Variants in ABCC8 observed in about 807,000 individuals in gnomAD.
ABCC8 encodes the protein ATP binding cassette subfamily C member 8.
Under a neutral mutation model 188.0 loss-of-function variants are expected in ABCC8, and 137 were observed. The observed-to-expected ratio is 0.73, with a 90% CI of 0.63 to 0.84. The LOEUF (loss-of-function observed/expected upper bound fraction) is 0.84, where lower values mean the gene tolerates loss of function less well. Ranked by LOEUF, ABCC8 falls within the 40% of genes least tolerant of loss-of-function variation. ABCC8 has a pLI of 0.00. For synonymous variants in ABCC8, 797 were observed against 846.5 expected, an observed-to-expected ratio of 0.94 and a Z score of 1.01; for missense variants, 1,750 against 2,072.7, an observed-to-expected ratio of 0.84 and a Z score of 3.02.
At chr11:17,450,093 C>T (rs1298995336) in intron 7 of ABCC8, among the ~76,000 whole-genome samples, 1 of 152,168 alleles carries the variant, frequency 6.6e-6, no homozygotes, top group African/African-American at 2.4e-5. Flanking sequence ...ATGTATAATT[C>T]AGGAATTGTG....
At chr11:17,465,981 A>G (rs939348099) in intron 3 of ABCC8, among the ~76,000 whole-genome samples, 12 of 152,258 alleles carry the variant, frequency 7.9e-5, no homozygotes, top group Non-Finnish European at 4.4e-5. Flanking sequence ...ACAGACGAAT[A>G]GATAAACAAA....
In ABCC8 at chr11:17,406,784, C is replaced by T. The variant is rs1236939235; in HGVS notation, c.3167G>A (p.Cys1056Tyr). 2 of 1,614,230 alleles carry T rather than the reference C, an allele frequency of 1.2e-6. No individual in the cohort carries two copies. Among genetic ancestry groups the T allele is most frequent in the Admixed American group, 1.7e-5 (1 of 60,024 alleles). Residue 1056 changes from cysteine (C) to tyrosine (Y), a missense_variant, in exon 26 of 39, where the codon TGC (cysteine) becomes TAC (tyrosine). Cys to Tyr is a radical substitution (Grantham distance 194, BLOSUM62 -2). Transcript: ENST00000389817. ...GGCATAGACAGTCTGGTCGAGGGTG[C>T]ACTCCTTCACAGGCAGAGAGTGATT... ...AARNCSLSQECTLDQTVYAMV... is the reference protein window; with the variant it reads ...AARNCSLSQEYTLDQTVYAMV...
Position 17,393,143 on chromosome 11 carries a change from AG to A in ABCC8, c.4609-16del, listed in dbSNP as rs750089728. On this transcript the variant is annotated splice_polypyrimidine_tract_variant and intron_variant, in intron 38 of 38. Coordinates refer to ENST00000389817, the MANE Select transcript of ABCC8 (RefSeq NM_000352.6). ...TGCACTCGATGCTGGGCAGGGCAGG[AG>A]GGGGCGGGTCAGGATGGTGGGAATA... The A allele has an allele frequency of 1.4e-5, 18 of 1,305,674 alleles. No homozygotes were observed. In the African/African-American group the frequency reaches 2.2e-4, roughly 16 times the overall value. The allele number at this position is 1,305,674 out of a possible 1,614,324, so 80.9% of individuals were successfully genotyped here.
At chr11:17,462,374 G>T (rs1207793731) in intron 4 of ABCC8, among the ~76,000 whole-genome samples, 1 of 152,184 alleles carries the variant, frequency 6.6e-6, no homozygotes, top group Non-Finnish European at 1.5e-5. Context: ...AAGAGTCAGA[G>T]AAATGCAGGC....
chr11:17,475,119 C>A, intron 1 of ABCC8, 92 bp from the exon 2 acceptor site: 1 of 1,562,332 alleles, frequency 6.4e-7, no homozygotes, highest in South Asian at 1.2e-5. Flanking sequence ...GGCATTGGGT[C>A]CATGGTGAGG....
At position 17,442,956 on chromosome 11, in the gene ABCC8, A is replaced by G. The variant is rs559879404; in HGVS notation, c.1468-74T>C. ...ACCCGAGAGGAAGGCCTGAGTGTCA[A>G]TACTGTCACTGCCATGCCCGCCTCC... On this transcript the variant is annotated intron_variant, in intron 9 of 38. Coordinates refer to ENST00000389817, the MANE Select transcript of ABCC8 (RefSeq NM_000352.6). The G allele has an allele frequency of 5.6e-6, 9 of 1,601,552 alleles. No homozygotes were observed. The Admixed American group carries it at 1.3e-4, about 24-fold the overall frequency.
At position 17,463,617 on chromosome 11, in the gene ABCC8, G is replaced by T. The variant is rs1474084577; in HGVS notation, c.413-13C>A. 1.9e-6 allele frequency: 3 copies of T among 1,566,194 alleles called. No individual in the cohort carries two copies. The African/African-American group carries it at 4.1e-5, about 21-fold the overall frequency. On this transcript the variant is annotated splice_polypyrimidine_tract_variant and intron_variant, in intron 3 of 38. Transcript: ENST00000389817. ...TACACCAGCAGGGCTGCCGAGGAGAGATGGAAGATCGCAGAGACGTGTGTG... is the reference window on the plus strand; with the variant it reads ...TACACCAGCAGGGCTGCCGAGGAGATATGGAAGATCGCAGAGACGTGTGTG...
At chr11:17,418,986 C>T (rs1955211174) in intron 16 of ABCC8, among the ~76,000 whole-genome samples, 1 of 152,122 alleles carries the variant, frequency 6.6e-6, no homozygotes, top group Non-Finnish European at 1.5e-5. Flanking sequence ...TCCTTACAAC[C>T]CTATAAACCC....
intron 38 of ABCC8, 35 bp downstream of exon 38, chr11:17,393,662 G>A: frequency 1.2e-6 from 2 of 1,613,924 alleles, no homozygotes; most frequent in South Asian, 2.2e-5. Context: ...CCTGTCCCTG[G>A]GTGTCCCTCT....
chr11:17,466,398 C>CA (rs747797902), intron 3 of ABCC8, among the ~76,000 whole-genome samples: 8,751 of 49,286 alleles, frequency 0.18, 901 homozygotes, highest in African/African-American at 0.28. Flanking sequence ...GACTCCATCT[C>CA]AAAAAAAAAA....
chr11:17,442,571 A>G, intron 10 of ABCC8, 149 bp downstream of exon 10: 1 of 787,988 alleles, frequency 1.3e-6, no homozygotes, highest in Non-Finnish European at 2.2e-6. Context: ...GAGCTTAGCT[A>G]TCAGAGCCAG....
chr11:17,406,946 T>A lies in ABCC8; in HGVS notation c.3104A>T (p.Lys1035Met). ...CAGGGTCAGGGCGCTGTCGGTCCACTTGGCCAGCCAGTAGTCGATGGCCAC... is the reference window on the plus strand; with the variant it reads ...CAGGGTCAGGGCGCTGTCGGTCCACATGGCCAGCCAGTAGTCGATGGCCAC... ...VLVAIDYWLA[K>M]WTDSALTLTP... is the part of the protein sequence containing the mutation. Residue 1035 changes from lysine (K) to methionine (M), a missense_variant, in exon 25 of 39, where the codon AAG (lysine) becomes ATG (methionine). Physicochemically the swap from Lys to Met is moderately conservative, Grantham distance 95. Coordinates refer to ENST00000389817, the MANE Select transcript of ABCC8 (RefSeq NM_000352.6). 5 of 1,614,162 alleles carry A rather than the reference T, an allele frequency of 3.1e-6. No individual in the cohort carries two copies. In the South Asian group the frequency reaches 5.5e-5, roughly 18 times the overall value.
chr11:17,393,791 C>T, intron 37 of ABCC8, 32 bp from the exon 38 acceptor site: 8 of 1,614,064 alleles, frequency 5.0e-6, no homozygotes, highest in Non-Finnish European at 6.8e-6. Flanking sequence ...TGTTGGCTCA[C>T]CTGCCCAGTG....
intron 28 of ABCC8, among the ~76,000 whole-genome samples, chr11:17,403,935 A>G (rs1954374691): frequency 6.6e-6 from 1 of 152,190 alleles, no homozygotes; most frequent in African/African-American, 2.4e-5. Flanking sequence ...GTTTCTATGA[A>G]TCTGGGAGAA....
Position 17,427,987 on chromosome 11 carries a change from G to T in ABCC8, c.2041-45C>A. ...CCGCCCAGGAGAGAACAGAAAGGCA[G>T]CCAGTTCCCAGTGAATAGTCTCTGG... On this transcript the variant is annotated intron_variant, in intron 14 of 38. Transcript: ENST00000389817. The surrounding 1 kb of genome is among the most constrained non-coding windows in gnomAD (Gnocchi z 5.0). 6.2e-7 allele frequency: 1 copy of T among 1,603,980 alleles called. No individual in the cohort carries two copies. Among genetic ancestry groups the T allele is most frequent in the Non-Finnish European group, 8.5e-7 (1 of 1,175,126 alleles).
At position 17,428,348 on chromosome 11, in the gene ABCC8, C is replaced by T. The variant is rs750182645; in HGVS notation, c.1981G>A (p.Gly661Ser). 1.2e-5 allele frequency: 19 copies of T among 1,613,976 alleles called. No homozygotes were observed. Among genetic ancestry groups the T allele is most frequent in the South Asian group, 3.3e-5 (3 of 91,086 alleles). ...PAREDCRGLT[G>S]PLQSLVPSAD... ...CTGGGGACCAGGCTCTGCAGTGGGCCGGTGAGGCCCCGACAATCCTCCCGG... is the reference window on the plus strand; with the variant it reads ...CTGGGGACCAGGCTCTGCAGTGGGCTGGTGAGGCCCCGACAATCCTCCCGG... The change falls in exon 14 of 39, where the codon GGC becomes AGC. Residue 661 changes from glycine to serine, a missense_variant. By Grantham distance (56) the Gly-to-Ser change is moderately conservative (BLOSUM62 0). Coordinates refer to ENST00000389817, the MANE Select transcript of ABCC8 (RefSeq NM_000352.6).
chr11:17,414,762 T>C, intron 18 of ABCC8, 152 bp from the exon 19 acceptor site: 1 of 1,426,070 alleles, frequency 7.0e-7, no homozygotes, highest in East Asian at 2.5e-5. Context: ...CTGGTGGCCT[T>C]GCCTTCCCCC....
At position 17,398,396 on chromosome 11, in the gene ABCC8, G is replaced by A. The variant is rs953395303; in HGVS notation, c.3696C>T (p.Ser1232=). 3 of 1,614,146 alleles carry A rather than the reference G, an allele frequency of 1.9e-6. No homozygotes were observed. In the South Asian group the frequency reaches 3.3e-5, roughly 18 times the overall value. The change falls in exon 30 of 39, where the codon TCC becomes TCT. Residue 1232 remains serine (S), a synonymous_variant. Coordinates refer to ENST00000389817, the MANE Select transcript of ABCC8 (RefSeq NM_000352.6). The part of the protein sequence containing the change: ...FQQKLLEYTD[S]NNIASLFLTA... The stretch of plus-strand genomic sequence containing the variant: ...TGAGGAAGAGGGAAGCAATGTTGTT[G>A]GAGTCTGTGTATTCGAGAAGCTTCT...
At chr11:17,399,301 A>C (rs111442990) in intron 29 of ABCC8, among the ~76,000 whole-genome samples, 12,618 of 136,238 alleles carry the variant, frequency 0.093, 2,468 homozygotes, top group African/African-American at 0.34. Context: ...AAAAAAAAAA[A>C]AAACAAATAA....
Sources: allele counts gnomAD v4.1 joint callset (sites outside exome capture counted in the v4.1 genomes callset), GRCh38; gene constraint gnomAD v4.1.1; non-coding constraint Gnocchi (gnomAD v3.1); transcripts MANE v1.5; gene names NCBI Gene and HGNC (gene_info 2026-07-23, HGNC 2026-07-21).